ZMYND11: variants seen among roughly 807,000 people sequenced by gnomAD.
ZMYND11 encodes the protein zinc finger MYND domain-containing protein 11.
Under a neutral mutation model 84.9 loss-of-function variants are expected in ZMYND11, and 9 were observed. The ratio of observed to expected loss-of-function variants is 0.11; its 90% CI spans 0.06 to 0.18. The LOEUF (loss-of-function observed/expected upper bound fraction) is 0.18, where lower values mean the gene tolerates loss of function less well. Ranked by LOEUF, ZMYND11 falls within the 10% of genes least tolerant of loss-of-function variation. ZMYND11 has a pLI of 1.00. For missense variants in ZMYND11, 409 were observed against 761.0 expected (o/e 0.54, Z 5.44); for synonymous variants, 250 against 244.1 (o/e 1.02, Z -0.23).
At chr10:180,423 G>A (rs1242837752) in intron 2 of ZMYND11, among the ~76,000 whole-genome samples, 2 of 151,944 alleles carry the variant, frequency 1.3e-5, no homozygotes, top group Non-Finnish European at 2.9e-5. Flanking sequence ...ATTTTGAGAC[G>A]GAGTCTCATT....
chr10:220,536 ATAAGGCTACT>A (rs1248746234), intron 3 of ZMYND11, among the ~76,000 whole-genome samples: 2 of 152,214 alleles, frequency 1.3e-5, no homozygotes, highest in Admixed American at 6.5e-5. Flanking sequence ...CAGTCAGGAA[ATAAGGCTACT>A]TCCTTTTTTG....
intron 1 of ZMYND11, among the ~76,000 whole-genome samples, chr10:149,659 G>A (rs1365284781): frequency 1.3e-4 from 20 of 152,104 alleles, no homozygotes; most frequent in Admixed American, 1.3e-3. Context: ...AATAATATTT[G>A]CATATTAAAT....
chr10:209,011 G>GTT (rs1944687756), intron 2 of ZMYND11, among the ~76,000 whole-genome samples: 1 of 152,030 alleles, frequency 6.6e-6, no homozygotes, highest in African/African-American at 2.4e-5. Context: ...TGATGTGTGT[G>GTT]TGTGTGTGTA....
intron 2 of ZMYND11, among the ~76,000 whole-genome samples, chr10:185,306 C>T (rs1937927410): frequency 1.3e-5 from 2 of 151,970 alleles, no homozygotes; most frequent in African/African-American, 4.8e-5. Context: ...TTTGTTCTCA[C>T]CTGCTCAAAT....
intron 3 of ZMYND11, among the ~76,000 whole-genome samples, chr10:219,062 AATGTGTCCAG>A (rs1445056387): frequency 2.6e-5 from 4 of 152,230 alleles, no homozygotes; most frequent in Admixed American, 2.6e-4. Flanking sequence ...CCATCATATA[AATGTGTCCAG>A]ATGTTTCTCT....
chr10:227,181 G>T (rs561310722), intron 4 of ZMYND11, among the ~76,000 whole-genome samples: 1 of 152,122 alleles, frequency 6.6e-6, no homozygotes. Context: ...AAGCTCTCCC[G>T]AATTTGCAGC....
intron 6 of ZMYND11, among the ~76,000 whole-genome samples, chr10:238,502 G>A (rs1421886780): frequency 3.9e-5 from 6 of 152,024 alleles, no homozygotes; most frequent in South Asian, 2.1e-4. Context: ...GACTACAGGC[G>A]CCCGACACCA....
chr10:192,063 A>G (rs941668666), intron 2 of ZMYND11, among the ~76,000 whole-genome samples: 1 of 152,208 alleles, frequency 6.6e-6, no homozygotes, highest in African/African-American at 2.4e-5. Flanking sequence ...AGTGAGGGTA[A>G]GTGACTTGTC....
At chr10:183,808 A>C (rs1848377006) in intron 2 of ZMYND11, among the ~76,000 whole-genome samples, 2 of 152,188 alleles carry the variant, frequency 1.3e-5, no homozygotes, top group Non-Finnish European at 2.9e-5. Flanking sequence ...GAGCCTGTGC[A>C]GTGCTGGCTC....
chr10:142,542 A>G (rs1338657165), intron 1 of ZMYND11, among the ~76,000 whole-genome samples: 2 of 152,196 alleles, frequency 1.3e-5, no homozygotes. Flanking sequence ...ACTGGTGCCC[A>G]AGGTCATAGA....
At position 236,925 on chromosome 10, in the gene ZMYND11, G is replaced by A. The variant is rs764781802; in HGVS notation, c.516+10G>A. 4 of 1,606,414 alleles carry A rather than the reference G, an allele frequency of 2.5e-6. No homozygotes were observed. Among genetic ancestry groups the A allele is most frequent in the African/African-American group, 1.3e-5 (1 of 74,450 alleles). ...CCGCATGAAGGAGAGGGTGAGTCCT[G>A]CTCAGGGAATCTTTCAAAATATCCC... is the stretch of plus-strand genomic sequence containing the variant. On this transcript the variant is annotated intron_variant, in intron 5 of 14. Coordinates refer to ENST00000381604, the MANE Select transcript of ZMYND11 (RefSeq NM_001370100.5).
In ZMYND11 at chr10:150,441, G is replaced by T. The variant is rs567741879; in HGVS notation, c.-20+14882G>T. Among the ~76,000 whole-genome samples the T allele has an allele frequency of 5.9e-5, 9 of 152,344 alleles. No homozygotes were observed. The South Asian group carries it at 1.7e-3, about 28-fold the overall frequency. ...TTCTCTGATGGTAGTTTGTATTTCT[G>T]TGGGATCAGTGGTGATATCCCCTTT... On this transcript the variant is annotated intron_variant, in intron 1 of 14. Transcript: ENST00000381604.
intron 2 of ZMYND11, among the ~76,000 whole-genome samples, chr10:181,298 C>A (rs1405038720): frequency 1.3e-5 from 2 of 152,124 alleles, no homozygotes; most frequent in Non-Finnish European, 2.9e-5. Context: ...TTTGTCCTTT[C>A]CCTGTATGCT....
Position 252,833 on chromosome 10 carries a change from A to G in ZMYND11, c.*363A>G, listed in dbSNP as rs1034948335. 1.7e-5 allele frequency: 3 copies of G among 177,542 alleles called. No individual in the cohort carries two copies. Among genetic ancestry groups the G allele is most frequent in the African/African-American group, 7.2e-5 (3 of 41,818 alleles). 11.0% of individuals were successfully genotyped at this position (177,542 alleles called of 1,614,324 possible). Reference sequence around the variant, plus strand: ...TTTAACAAAGAAACATTTAGAATAGATCTGAATGTAAGAACTACAGAACTG... The same window carrying G: ...TTTAACAAAGAAACATTTAGAATAGGTCTGAATGTAAGAACTACAGAACTG... On this transcript the variant is annotated 3_prime_UTR_variant, in exon 15 of 15. Coordinates refer to ENST00000381604, the MANE Select transcript of ZMYND11 (RefSeq NM_001370100.5). The surrounding 1 kb of genome is among the most constrained non-coding windows in gnomAD (Gnocchi z 4.6).
intron 7 of ZMYND11, 139 bp downstream of exon 7, chr10:239,664 A>G (rs1589206928): frequency 1.5e-6 from 1 of 686,856 alleles, no homozygotes. Context: ...AAGGTTAGGA[A>G]TATCTGGTGA....
chr10:159,184 T>C (rs1355638385), intron 1 of ZMYND11, among the ~76,000 whole-genome samples: 6 of 151,748 alleles, frequency 4.0e-5, no homozygotes, highest in African/African-American at 1.5e-4. Context: ...ATTCAGCCAG[T>C]TCCTTATTGA....
In ZMYND11 at chr10:155,357, A is replaced by G. The variant is rs1179306361; in HGVS notation, c.-20+19798A>G. 4.6e-5 allele frequency among the ~76,000 whole-genome samples: 7 copies of G among 152,278 alleles called. No homozygotes were observed. In the East Asian group the frequency reaches 1.4e-3, roughly 29 times the overall value. ...AAGGATAATATTCTTATGGTATATA[A>G]AGAATTTTTGGCTGGGTATGGTGGC... is the stretch of plus-strand genomic sequence containing the variant. On this transcript the variant is annotated intron_variant, in intron 1 of 14. Coordinates refer to ENST00000381604, the MANE Select transcript of ZMYND11 (RefSeq NM_001370100.5).
intron 6 of ZMYND11, among the ~76,000 whole-genome samples, chr10:239,201 T>G (rs1418673586): frequency 6.6e-6 from 1 of 152,210 alleles, no homozygotes; most frequent in Non-Finnish European, 1.5e-5. Flanking sequence ...TCTGATAAAT[T>G]AATGTAGTGT....
chr10:247,106 C>A, intron 11 of ZMYND11, 133 bp downstream of exon 11: 3 of 969,070 alleles, frequency 3.1e-6, no homozygotes, highest in Non-Finnish European at 3.1e-6. Context: ...AAGTGCTCTG[C>A]AAAACTAAAC....
Sources: gnomAD v4.1 joint callset for allele counts (sites outside exome capture counted in the v4.1 genomes callset) on GRCh38, gnomAD v4.1.1 for gene constraint, Gnocchi (gnomAD v3.1) non-coding constraint, MANE v1.5 for transcripts, NCBI Gene and HGNC (gene_info 2026-07-23, HGNC 2026-07-21) for gene names.